The following PLCB4 variants were observed in gnomAD, a reference collection of about 807,000 sequenced individuals.
PLCB4 encodes 1-phosphatidylinositol 4,5-bisphosphate phosphodiesterase beta-4.
PLCB4 carries 77 observed loss-of-function variants against 178.8 expected under a neutral mutation model. The ratio of observed to expected loss-of-function variants is 0.43; its 90% confidence interval spans 0.36 to 0.52. The LOEUF (loss-of-function observed/expected upper bound fraction) is 0.52, where lower values mean the gene tolerates loss of function less well. Among genes scored for constraint, PLCB4 ranks in the 20% least tolerant of loss-of-function variants. The pLI is 0.00. For missense variants in PLCB4, 1,024 were observed against 1,453.4 expected (o/e 0.70, Z 4.80); for synonymous variants, 496 against 490.8 (o/e 1.01, Z -0.14).
intron 32 of PLCB4, among the ~76,000 whole-genome samples, chr20:9,448,343 T>C (rs761285649): frequency 6.6e-6 from 1 of 152,186 alleles, no homozygotes; most frequent in Non-Finnish European, 1.5e-5. Flanking sequence ...CAAAGCCTTA[T>C]GTCATAAAAT....
chr20:9,273,796 G>A (rs1372538930), intron 3 of PLCB4, among the ~76,000 whole-genome samples: 1 of 149,088 alleles, frequency 6.7e-6, no homozygotes, highest in Non-Finnish European at 1.5e-5. Context: ...ACTAAATGTG[G>A]GTTTTTATCT....
intron 35 of PLCB4, among the ~76,000 whole-genome samples, chr20:9,467,586 CA>C (rs1157858154): frequency 6.6e-6 from 1 of 152,182 alleles, no homozygotes; most frequent in Non-Finnish European, 1.5e-5. Context: ...TGACATTTGT[CA>C]GCAACGTTTG....
Position 9,478,923 on chromosome 20 carries a change from G to C in PLCB4, c.3535G>C (p.Glu1179Gln). The change falls in exon 40 of 40, where the codon GAA (glutamate) becomes CAA (glutamine). Residue 1179 changes from glutamate to glutamine, a missense_variant and splice_region_variant. Physicochemically the swap from Glu to Gln is conservative, Grantham distance 29. Around this residue, in one of 7 missense-constraint regions of PLCB4, gnomAD observed 264 missense variants for 283.2 expected, o/e 0.93. Transcript: ENST00000378473. ...SCHAVSQTQG[E>Q]GDAADGEIGS... Reference sequence around the variant, plus strand: ...AGGCCATGTTTCTGATGTTATAGGCGAAGGAGATGCAGCAGATGGTGAAAT... The same window carrying C: ...AGGCCATGTTTCTGATGTTATAGGCCAAGGAGATGCAGCAGATGGTGAAAT... 1 of 1,612,462 alleles carries C rather than the reference G, an allele frequency of 6.2e-7. No homozygotes were observed. Among genetic ancestry groups the C allele is most frequent in the Non-Finnish European group, 8.5e-7 (1 of 1,178,634 alleles).
At chr20:9,389,253 G>T (rs1485655113) in intron 15 of PLCB4, among the ~76,000 whole-genome samples, 1 of 152,092 alleles carries the variant, frequency 6.6e-6, no homozygotes, top group African/African-American at 2.4e-5. Context: ...CAGATGGGGG[G>T]TCAAGAACAC....
chr20:9,342,378 T>TCA (rs1354568687), intron 7 of PLCB4, among the ~76,000 whole-genome samples: 1 of 152,174 alleles, frequency 6.6e-6, no homozygotes, highest in Non-Finnish European at 1.5e-5. Flanking sequence ...GTGGTTCTAC[T>TCA]CAAACGTGAG....
intron 23 of PLCB4, 61 bp downstream of exon 23, chr20:9,408,778 G>A: frequency 2.3e-6 from 2 of 862,060 alleles, no homozygotes; most frequent in South Asian, 1.4e-5. Context: ...AAGAGCCTCT[G>A]AAATAGATAA....
intron 30 of PLCB4, among the ~76,000 whole-genome samples, chr20:9,439,924 A>C (rs2042008065): frequency 6.6e-6 from 1 of 152,246 alleles, no homozygotes; most frequent in African/African-American, 2.4e-5. Flanking sequence ...ATTATAGCTC[A>C]TGAGGTTGTC....
chr20:9,274,003 A>G (rs566352844), intron 3 of PLCB4, among the ~76,000 whole-genome samples: 1 of 152,206 alleles, frequency 6.6e-6, no homozygotes, highest in South Asian at 2.1e-4. Context: ...TCAGGGGAAG[A>G]CGGGGCAGAT....
chr20:9,254,410 C>T (rs553019451), intron 3 of PLCB4, among the ~76,000 whole-genome samples: 4 of 152,226 alleles, frequency 2.6e-5, no homozygotes, highest in African/African-American at 4.8e-5. Context: ...ATGTTATTGT[C>T]TTGGCCGGGC....
Position 9,080,464 on chromosome 20 carries a change from C to T in PLCB4, c.-135+11258C>T, listed in dbSNP as rs572158043. Reference sequence around the variant, plus strand: ...TGGTCACTCTGGAAAAATCATATCACCTCTCCATCATGAAGGAATTGCACT... The same window carrying T: ...TGGTCACTCTGGAAAAATCATATCATCTCTCCATCATGAAGGAATTGCACT... On this transcript the variant is annotated intron_variant, in intron 1 of 39. Transcript: ENST00000378473. Among the ~76,000 whole-genome samples, 4 of 152,270 alleles carry T rather than the reference C, an allele frequency of 2.6e-5. No individual in the cohort carries two copies. The East Asian group carries it at 7.7e-4, about 29-fold the overall frequency.
intron 3 of PLCB4, among the ~76,000 whole-genome samples, chr20:9,280,710 T>A (rs1036084103): frequency 2.0e-5 from 3 of 151,928 alleles, no homozygotes; most frequent in Non-Finnish European, 4.4e-5. Flanking sequence ...TTGTGAAATT[T>A]CACTCGGTGA....
chr20:9,319,229 T>A (rs184801910), intron 4 of PLCB4, among the ~76,000 whole-genome samples: 10 of 152,220 alleles, frequency 6.6e-5, no homozygotes, highest in East Asian at 5.8e-4. Flanking sequence ...GAAATTTTTT[T>A]AAAAAATCAA....
chr20:9,231,829 A>C (rs2093936462), intron 3 of PLCB4, among the ~76,000 whole-genome samples: 2 of 152,196 alleles, frequency 1.3e-5, no homozygotes, highest in Non-Finnish European at 2.9e-5. Flanking sequence ...GAAAACTTAC[A>C]TCCACACAAA....
chr20:9,132,449 G>A (rs1442411760), intron 2 of PLCB4, among the ~76,000 whole-genome samples: 1 of 152,154 alleles, frequency 6.6e-6, no homozygotes, highest in Non-Finnish European at 1.5e-5. Context: ...AAGACACTGA[G>A]AATTATGAAG....
At chr20:9,239,331 A>G (rs1388324039) in intron 3 of PLCB4, among the ~76,000 whole-genome samples, 1 of 152,132 alleles carries the variant, frequency 6.6e-6, no homozygotes, top group Non-Finnish European at 1.5e-5. Flanking sequence ...TAGCTTTCCC[A>G]TGTCAGTATA....
At chr20:9,077,302 A>G (rs1205552418) in intron 1 of PLCB4, among the ~76,000 whole-genome samples, 2 of 152,166 alleles carry the variant, frequency 1.3e-5, no homozygotes, top group African/African-American at 4.8e-5. Context: ...TTTTGTAGCT[A>G]AATTTCTAGA....
intron 17 of PLCB4, among the ~76,000 whole-genome samples, 153 bp from the exon 18 acceptor site, chr20:9,393,434 TG>T (rs1401231432): frequency 1.3e-5 from 2 of 152,098 alleles, no homozygotes; most frequent in South Asian, 2.1e-4. Context: ...TGTGCTAATT[TG>T]GGTTGGGGAG....
chr20:9,205,714 G>A (rs887577506), intron 2 of PLCB4, among the ~76,000 whole-genome samples: 2 of 152,058 alleles, frequency 1.3e-5, no homozygotes, highest in Non-Finnish European at 2.9e-5. Context: ...ATTATGACAC[G>A]ACCACAGTCA....
intron 2 of PLCB4, among the ~76,000 whole-genome samples, chr20:9,165,202 A>T (rs940443735): frequency 3.3e-5 from 5 of 152,208 alleles, no homozygotes; most frequent in African/African-American, 1.2e-4. Flanking sequence ...GAGGGCACAA[A>T]ACATGCTGTT....
Sources: allele counts gnomAD v4.1 joint callset (sites outside exome capture counted in the v4.1 genomes callset), GRCh38; gene constraint gnomAD v4.1.1; regional missense constraint gnomAD v4.1.1; transcripts MANE v1.5; gene names NCBI Gene and HGNC (gene_info 2026-07-23, HGNC 2026-07-21).